Variants in PJVK observed in about 807,000 individuals in gnomAD.
The protein encoded by PJVK is autosomal recessive deafness type 59 protein.
Under a neutral mutation model 37.6 loss-of-function variants are expected in PJVK, and 33 were observed. The observed-to-expected ratio is 0.88, with a 90% confidence interval of 0.67 to 1.17. The LOEUF (loss-of-function observed/expected upper bound fraction) is 1.17. Ranked by LOEUF, PJVK falls within the 50% of genes most tolerant of loss-of-function variation. The pLI, the probability that PJVK is intolerant of heterozygous loss-of-function variation, is 0.00. For missense variants in PJVK, 410 were observed against 413.8 expected (o/e 0.99, Z 0.08); for synonymous variants, 141 against 143.5 (o/e 0.98, Z 0.13).
chr2:178,459,520 CATTT>C (rs1684354520), intron 5 of PJVK, among the ~76,000 whole-genome samples: 2 of 152,106 alleles, frequency 1.3e-5, no homozygotes, highest in African/African-American at 2.4e-5. Flanking sequence ...TCCCCTCAAG[CATTT>C]ATCCTTTGTG....
chr2:178,458,137 G>A (rs1575120977), intron 4 of PJVK, among the ~76,000 whole-genome samples: 1 of 151,974 alleles, frequency 6.6e-6, no homozygotes, highest in Non-Finnish European at 1.5e-5. Flanking sequence ...GCTACTAAAA[G>A]CTCTGGAGGG....
chr2:178,460,904 T>G, intron 6 of PJVK, 78 bp from the exon 7 acceptor site: 2 of 1,116,626 alleles, frequency 1.8e-6, no homozygotes, highest in Non-Finnish European at 2.6e-6. Context: ...TGGATTCACA[T>G]ATTTATTAAT....
At chr2:178,451,984 G>T (rs1697700850) in intron 1 of PJVK, 1 of 494,488 alleles carries the variant, frequency 2.0e-6, no homozygotes, top group Non-Finnish European at 2.6e-6. Flanking sequence ...CTATTCGTAC[G>T]AAAGGATATT....
intron 3 of PJVK, chr2:178,455,229 C>T (rs1418221909): frequency 1.3e-6 from 2 of 1,555,496 alleles, no homozygotes. Flanking sequence ...GAGATCAATA[C>T]CAAGAAGATT....
chr2:178,461,671 G>C lies in PJVK; in HGVS notation c.*397G>C, dbSNP rs1481328043. ...ATGATCTCAGCTCACTGCAACCTCT[G>C]CCTCCTGGGTTCAAGCAATTCTCTG... On this transcript the variant is annotated 3_prime_UTR_variant, in exon 7 of 7. Coordinates refer to ENST00000644580, the MANE Select transcript of PJVK (RefSeq NM_001042702.5). Among the ~76,000 whole-genome samples the C allele has an allele frequency of 7.0e-6, 1 of 143,756 alleles. No homozygotes were observed. The highest frequency in any genetic ancestry group is 2.1e-4 in the East Asian group (1 of 4,658). The allele number at this position is 143,756 out of a possible 152,430, so 94.3% of individuals were successfully genotyped here. A position where few individuals can be genotyped will look rare whatever the true frequency, so the allele number is the denominator to read the frequency against.
At chr2:178,454,171 T>C (rs1026987832) in intron 2 of PJVK, 161 bp from the exon 3 acceptor site, 2 of 588,852 alleles carry the variant, frequency 3.4e-6, no homozygotes, top group East Asian at 6.3e-5. Flanking sequence ...TTTCTTTTTG[T>C]TGTAAGATTA....
At chr2:178,451,884 T>G (rs1697690814) in intron 1 of PJVK, 115 bp downstream of exon 1, 1 of 980,502 alleles carries the variant, frequency 1.0e-6, no homozygotes, top group Non-Finnish European at 1.2e-6. Context: ...GGCCATTAGA[T>G]GACGTGTCGC....
rs111706634 is a variant in PJVK at position 178,456,149 on chromosome 2, C to A, written c.547C>A (p.Arg183=). 2.0e-5 allele frequency: 32 copies of A among 1,613,694 alleles called. No homozygotes were observed. Among genetic ancestry groups the A allele is most frequent in the African/African-American group, 1.7e-4 (13 of 75,004 alleles). ...TGCTGGAATTCGAGGGGAAGCAATG[C>A]GGGTAAACCACACTTGTTGGGTTCT... The part of the protein sequence containing the change: ...VHAGIRGEAM[R]FHFMDEQNPK... The change falls in exon 4 of 7, where the codon CGG becomes AGG. Residue 183 remains arginine, a splice_region_variant and synonymous_variant. Coordinates refer to ENST00000644580, the MANE Select transcript of PJVK (RefSeq NM_001042702.5).
At chr2:178,458,840 G>A (rs181771963) in intron 5 of PJVK, among the ~76,000 whole-genome samples, 2 of 152,186 alleles carry the variant, frequency 1.3e-5, no homozygotes, top group East Asian at 3.9e-4. Flanking sequence ...TCTTGGTGAA[G>A]GTTGTAAACT....
Position 178,461,404 on chromosome 2 carries a change from G to T in PJVK, c.*130G>T. The stretch of plus-strand genomic sequence containing the variant: ...AGCAAAAAGAAATTAACCTGTCTGG[G>T]TATCATATTCCCTATCTATAAAGTA... On this transcript the variant is annotated 3_prime_UTR_variant, in exon 7 of 7. Coordinates refer to ENST00000644580, the MANE Select transcript of PJVK (RefSeq NM_001042702.5). 1 of 985,542 alleles carries T rather than the reference G, an allele frequency of 1.0e-6. No homozygotes were observed. Among genetic ancestry groups the T allele is most frequent in the Non-Finnish European group, 1.5e-6 (1 of 654,960 alleles). The allele number at this position is 985,542 out of a possible 1,614,324, so 61.0% of individuals were successfully genotyped here.
intron 1 of PJVK, 161 bp from the exon 2 acceptor site, chr2:178,453,227 A>C (rs969452431): frequency 4.9e-6 from 3 of 617,408 alleles, no homozygotes; most frequent in Non-Finnish European, 8.6e-6. Flanking sequence ...ATAATTCATT[A>C]CCTGAGCACA....
In PJVK at chr2:178,460,371, A is replaced by G. The variant is rs1023700691; in HGVS notation, c.691A>G (p.Lys231Glu). Residue 231 changes from lysine to glutamate, a missense_variant, in exon 6 of 7, where the codon AAA becomes GAA. Transcript: ENST00000644580. Reference protein sequence around the residue: ...AFDLCVTSVSKGGFEREETAT... With the variant: ...AFDLCVTSVSEGGFEREETAT... Reference sequence around the variant, plus strand: ...AGACCTTTGTGTCACTTCAGTGTCAAAAGGAGGATTTGAAAGGGAAGAAAC... The same window carrying G: ...AGACCTTTGTGTCACTTCAGTGTCAGAAGGAGGATTTGAAAGGGAAGAAAC... 24 of 1,614,012 alleles carry G rather than the reference A, an allele frequency of 1.5e-5. No homozygotes were observed. Among genetic ancestry groups the G allele is most frequent in the African/African-American group, 1.3e-5 (1 of 74,946 alleles).
chr2:178,452,220 G>A, intron 1 of PJVK: 1 of 854,540 alleles, frequency 1.2e-6, no homozygotes, highest in Non-Finnish European at 1.4e-6. Flanking sequence ...TTGAACCCGG[G>A]AGGCAAATGT....
In PJVK at chr2:178,461,168, A is replaced by G; in HGVS notation, c.953A>G (p.Lys318Arg). The stretch of plus-strand genomic sequence containing the variant: ...ATACTCTGTGGAATGGGGAACTTCA[A>G]AAGGGAGACAGTTTATGGGTGCTTT... ...PCILCGMGNF[K>R]RETVYGCFQC... is the part of the protein sequence containing the mutation. Residue 318 changes from lysine to arginine, a missense_variant, in exon 7 of 7, where the codon AAA becomes AGA. By Grantham distance (26) the Lys-to-Arg change is conservative. Coordinates refer to ENST00000644580, the MANE Select transcript of PJVK (RefSeq NM_001042702.5). 1 of 1,614,224 alleles carries G rather than the reference A, an allele frequency of 6.2e-7. No homozygotes were observed. The highest frequency in any genetic ancestry group is 1.1e-5 in the South Asian group (1 of 91,088).
At chr2:178,458,366 A>G in intron 4 of PJVK, 144 bp from the exon 5 acceptor site, 1 of 624,844 alleles carries the variant, frequency 1.6e-6, no homozygotes, top group Non-Finnish European at 2.7e-6. Flanking sequence ...GCTATAAAAA[A>G]TGGTTTAATT....
chr2:178,454,866 G>A (rs961942598), intron 3 of PJVK: 1 of 997,406 alleles, frequency 1.0e-6, no homozygotes, highest in Admixed American at 1.7e-5. Flanking sequence ...GCAGAAGACT[G>A]AGGAAGATGA....
rs1487579258 is a variant in PJVK at position 178,456,165 on chromosome 2, G to C, written c.549+14G>C. ...GAAGCAATGCGGGTAAACCACACTT[G>C]TTGGGTTCTCTTACTAACTAAAGTG... On this transcript the variant is annotated intron_variant, in intron 4 of 6. Transcript: ENST00000644580. 1.2e-6 allele frequency: 2 copies of C among 1,613,164 alleles called. No homozygotes were observed. Among genetic ancestry groups the C allele is most frequent in the Non-Finnish European group, 8.5e-7 (1 of 1,179,528 alleles).
chr2:178,455,266 C>T (rs114355336), intron 3 of PJVK: 1 of 1,474,468 alleles, frequency 6.8e-7, no homozygotes, highest in African/African-American at 1.4e-5. Flanking sequence ...AGCTGTCAGA[C>T]CTGGACAGTG....
At chr2:178,459,279 A>T in intron 5 of PJVK, 1 of 468,426 alleles carries the variant, frequency 2.1e-6, no homozygotes, top group South Asian at 1.6e-5. Flanking sequence ...GGTAATTTAC[A>T]AATGTTTTTA....
Sources: allele counts gnomAD v4.1 joint callset (sites outside exome capture counted in the v4.1 genomes callset), GRCh38; gene constraint gnomAD v4.1.1; transcripts MANE v1.5; gene names NCBI Gene and HGNC (gene_info 2026-07-23, HGNC 2026-07-21).